Variants in UNC5D observed in about 807,000 individuals in gnomAD.
UNC5D encodes the protein unc-5 netrin receptor D.
A neutral mutation model predicts 105.4 loss-of-function variants in UNC5D; 39 were observed. The observed-to-expected ratio is 0.37, with a 90% CI of 0.29 to 0.48. UNC5D has a LOEUF of 0.48. Ranked by LOEUF, UNC5D falls within the 20% of genes least tolerant of loss-of-function variation. The probability of loss-of-function intolerance (pLI) is 0.98; values close to 1 mark genes in which losing one functional copy is unlikely to be tolerated. For synonymous variants in UNC5D, 452 were observed against 450.4 expected (o/e 1.00, Z -0.04); for missense variants, 991 against 1,202.4 (o/e 0.82, Z 2.60).
chr8:35,370,131 T>TGTG (rs1403028921), intron 1 of UNC5D, among the ~76,000 whole-genome samples: 1 of 152,194 alleles, frequency 6.6e-6, no homozygotes, highest in Non-Finnish European at 1.5e-5. Context: ...AAATTGTATC[T>TGTG]GTGGTCTTTC....
chr8:35,482,488 A>AAGTCACTTTGCCACACTTTCT (rs1277723623), intron 1 of UNC5D, among the ~76,000 whole-genome samples: 12 of 152,100 alleles, frequency 7.9e-5, no homozygotes, highest in African/African-American at 2.9e-4. Flanking sequence ...CTAATTGTTT[A>AAGTCACTTTGCCACACTTTCT]AGTCACTTTG....
At chr8:35,765,936 T>C (rs1232889194) in intron 14 of UNC5D, among the ~76,000 whole-genome samples, 1 of 152,180 alleles carries the variant, frequency 6.6e-6, no homozygotes, top group Non-Finnish European at 1.5e-5. Context: ...GAGGCATATG[T>C]GGTCATTGCC....
chr8:35,413,253 G>T (rs185635060), intron 1 of UNC5D, among the ~76,000 whole-genome samples: 1 of 114,430 alleles, frequency 8.7e-6, no homozygotes, highest in Non-Finnish European at 1.8e-5. Context: ...AGGTGGGGGC[G>T]GGTCTGTGTG....
chr8:35,641,122 G>T (rs1037379343), intron 4 of UNC5D, among the ~76,000 whole-genome samples: 2 of 151,982 alleles, frequency 1.3e-5, no homozygotes, highest in Admixed American at 6.6e-5. Flanking sequence ...TTAGGGTTAA[G>T]AAATTTCCCA....
intron 11 of UNC5D, among the ~76,000 whole-genome samples, chr8:35,737,246 T>C (rs1303697374): frequency 7.0e-6 from 1 of 142,028 alleles, no homozygotes; most frequent in Non-Finnish European, 1.5e-5. Flanking sequence ...CTTGGCAAGA[T>C]CTGCTCTGTG....
At chr8:35,334,674 G>A (rs12334296) in intron 1 of UNC5D, among the ~76,000 whole-genome samples, 8,261 of 151,874 alleles carry the variant, frequency 0.054, 265 homozygotes, top group African/African-American at 0.092. Flanking sequence ...CACCATGCCC[G>A]GCTAATTTTT....
chr8:35,385,462 C>CTTT (rs33929902), intron 1 of UNC5D, among the ~76,000 whole-genome samples: 26 of 84,630 alleles, frequency 3.1e-4, no homozygotes, highest in African/African-American at 1.0e-3. Flanking sequence ...CTACCTACCT[C>CTTT]TTTTTTTTTT....
intron 11 of UNC5D, among the ~76,000 whole-genome samples, chr8:35,746,070 A>G (rs1011342958): frequency 6.6e-6 from 1 of 151,838 alleles, no homozygotes; most frequent in South Asian, 2.1e-4. Context: ...TTACCCCTGG[A>G]CTATATTGTA....
chr8:35,552,915 A>G (rs573757353), intron 2 of UNC5D, among the ~76,000 whole-genome samples: 83 of 152,318 alleles, frequency 5.4e-4, no homozygotes, highest in African/African-American at 1.9e-3. Flanking sequence ...CTACAAAACA[A>G]TGGCAGAATA....
intron 4 of UNC5D, among the ~76,000 whole-genome samples, chr8:35,638,470 G>T (rs561591953): frequency 6.6e-6 from 1 of 151,840 alleles, no homozygotes; most frequent in Non-Finnish European, 1.5e-5. Context: ...ATGTGTAGTT[G>T]TTTGCCCTCT....
intron 1 of UNC5D, among the ~76,000 whole-genome samples, chr8:35,452,290 A>G (rs113266114): frequency 3.3e-5 from 5 of 152,206 alleles, no homozygotes; most frequent in African/African-American, 1.2e-4. Context: ...TTTGAGACAG[A>G]GTCTCACTCT....
chr8:35,290,632 T>A (rs1806978528), intron 1 of UNC5D, among the ~76,000 whole-genome samples: 1 of 152,054 alleles, frequency 6.6e-6, no homozygotes, highest in Non-Finnish European at 1.5e-5. Flanking sequence ...CTAAGATAAA[T>A]GTTTAAATAT....
chr8:35,763,723 A>T (rs2131697526), intron 14 of UNC5D, among the ~76,000 whole-genome samples: 1 of 152,326 alleles, frequency 6.6e-6, no homozygotes, highest in Admixed American at 6.5e-5. Flanking sequence ...AGTGCAAAGC[A>T]ACCCTACAAA....
chr8:35,515,218 A>G (rs1177956746), intron 1 of UNC5D, among the ~76,000 whole-genome samples: 1 of 152,210 alleles, frequency 6.6e-6, no homozygotes, highest in East Asian at 1.9e-4. Context: ...ATTGCCTGAA[A>G]TTATTGTTGT....
chr8:35,533,714 G>A (rs1251755813), intron 1 of UNC5D, among the ~76,000 whole-genome samples: 1 of 152,222 alleles, frequency 6.6e-6, no homozygotes, highest in Non-Finnish European at 1.5e-5. Flanking sequence ...GTGGGCGTAG[G>A]ACCCTCCGAG....
At chr8:35,528,039 G>GTTTTTTTTTTTTTT in intron 1 of UNC5D, among the ~76,000 whole-genome samples, 1 of 125,146 alleles carries the variant, frequency 8.0e-6, no homozygotes, top group Non-Finnish European at 1.6e-5. Context: ...GAAACAGCTG[G>GTTTTTTTTTTTTTT]TTTTTTTTTT....
chr8:35,355,701 ACAGG>A (rs1801512996), intron 1 of UNC5D, among the ~76,000 whole-genome samples: 1 of 152,164 alleles, frequency 6.6e-6, no homozygotes, highest in African/African-American at 2.4e-5. Flanking sequence ...GGTAATATTT[ACAGG>A]CAGGGCTCTT....
chr8:35,351,358 T>G (rs906991552), intron 1 of UNC5D, among the ~76,000 whole-genome samples: 5 of 152,270 alleles, frequency 3.3e-5, no homozygotes, highest in South Asian at 2.1e-4. Context: ...TTTACATCCC[T>G]GACAGTAGTA....
At chr8:35,645,989 A>G (rs1366703071) in intron 4 of UNC5D, among the ~76,000 whole-genome samples, 3 of 152,116 alleles carry the variant, frequency 2.0e-5, no homozygotes, top group Non-Finnish European at 4.4e-5. Flanking sequence ...TAATATTTCT[A>G]TCTGTTAAGT....
Sources: allele counts gnomAD v4.1 joint callset (sites outside exome capture counted in the v4.1 genomes callset), GRCh38; gene constraint gnomAD v4.1.1; transcripts MANE v1.5; gene names NCBI Gene and HGNC (gene_info 2026-07-23, HGNC 2026-07-21).